Variants in RBFOX1 observed in about 807,000 individuals in gnomAD.
The protein encoded by RBFOX1 is RNA binding fox-1 homolog 1.
A neutral mutation model predicts 57.7 loss-of-function variants in RBFOX1; 8 were observed. The observed-to-expected ratio is 0.14, with a 90% CI of 0.08 to 0.25. The LOEUF (loss-of-function observed/expected upper bound fraction) is 0.25. Among genes scored for constraint, RBFOX1 ranks in the 10% least tolerant of loss-of-function variants. RBFOX1 has a pLI of 1.00. For synonymous variants in RBFOX1, 326 were observed against 222.4 expected (o/e 1.47, Z -4.15); for missense variants, 611 against 548.5 (o/e 1.11, Z -1.14).
intron 1 of RBFOX1, among the ~76,000 whole-genome samples, chr16:5,348,906 T>C (rs1198337795): frequency 2.0e-5 from 3 of 152,246 alleles, no homozygotes; most frequent in Non-Finnish European, 2.9e-5. Flanking sequence ...TCTGAGATCC[T>C]AATTTCGTTT....
intron 1 of RBFOX1, among the ~76,000 whole-genome samples, chr16:6,094,187 C>T (rs999606310): frequency 6.6e-6 from 1 of 152,170 alleles, no homozygotes; most frequent in South Asian, 2.1e-4. Flanking sequence ...GGAGGAGATC[C>T]TCCCAAAATG....
At chr16:7,007,776 T>C (rs897142121) in intron 3 of RBFOX1, among the ~76,000 whole-genome samples, 20 of 152,118 alleles carry the variant, frequency 1.3e-4, no homozygotes, top group Admixed American at 1.3e-3. Flanking sequence ...TTAGAAACTG[T>C]GAGGATGGGG....
chr16:5,315,119 G>C (rs574772950), intron 1 of RBFOX1, among the ~76,000 whole-genome samples: 1 of 152,216 alleles, frequency 6.6e-6, no homozygotes, highest in East Asian at 1.9e-4. Flanking sequence ...GGAACCATTT[G>C]GAAGACGCAT....
At chr16:6,740,987 C>G (rs528745978) in intron 3 of RBFOX1, among the ~76,000 whole-genome samples, 1 of 152,264 alleles carries the variant, frequency 6.6e-6, no homozygotes, top group African/African-American at 2.4e-5. Flanking sequence ...TAACTCCAGT[C>G]ATCATCGCTA....
At chr16:5,469,124 C>G (rs1214009538) in intron 2 of RBFOX1, among the ~76,000 whole-genome samples, 1 of 152,170 alleles carries the variant, frequency 6.6e-6, no homozygotes, top group Non-Finnish European at 1.5e-5. Context: ...TGTCTGTTGC[C>G]TCCTCTTCTG....
intron 3 of RBFOX1, among the ~76,000 whole-genome samples, chr16:6,981,499 G>C (rs933278504): frequency 6.6e-6 from 1 of 152,234 alleles, no homozygotes; most frequent in South Asian, 2.1e-4. Flanking sequence ...GTATTAGTCT[G>C]TTCTCATGCT....
At chr16:7,426,585 A>G (rs1038438427) in intron 4 of RBFOX1, among the ~76,000 whole-genome samples, 2 of 152,218 alleles carry the variant, frequency 1.3e-5, no homozygotes, top group Admixed American at 1.3e-4. Context: ...AGATGCGCCA[A>G]GGGAGAGGAT....
At chr16:7,080,136 A>G (rs1015047596) in intron 4 of RBFOX1, among the ~76,000 whole-genome samples, 6 of 150,214 alleles carry the variant, frequency 4.0e-5, no homozygotes, top group African/African-American at 1.5e-4. Flanking sequence ...AGTATACTTT[A>G]CTATATCAAT....
intron 2 of RBFOX1, chr16:6,483,445 T>A (rs2095407369): frequency 6.5e-7 from 1 of 1,535,666 alleles, no homozygotes; most frequent in African/African-American, 1.4e-5. Context: ...TGCCTCGGAC[T>A]TCTCCCGTGC....
intron 3 of RBFOX1, among the ~76,000 whole-genome samples, chr16:6,823,141 A>T (rs1170409925): frequency 2.0e-5 from 3 of 152,168 alleles, no homozygotes; most frequent in Admixed American, 6.6e-5. Context: ...TATTTGATAG[A>T]AGCCAGGACC....
intron 1 of RBFOX1, among the ~76,000 whole-genome samples, chr16:5,413,380 G>A (rs1253090321): frequency 1.3e-5 from 2 of 152,116 alleles, no homozygotes; most frequent in Admixed American, 1.3e-4. Context: ...AACTCCATCT[G>A]CTTGACCTAG....
chr16:6,974,875 C>G (rs147923283), intron 3 of RBFOX1, among the ~76,000 whole-genome samples: 1 of 152,220 alleles, frequency 6.6e-6, no homozygotes, highest in African/African-American at 2.4e-5. Context: ...GAAGGTGTTT[C>G]TTTCTGCAAA....
chr16:5,977,083 T>C (rs748422943), intron 4 of RBFOX1, among the ~76,000 whole-genome samples: 115 of 152,116 alleles, frequency 7.6e-4, no homozygotes, highest in Non-Finnish European at 8.5e-4. Flanking sequence ...AGCCCAGGAA[T>C]CTGCATGGTG....
chr16:6,467,228 T>G (rs2095070229), intron 2 of RBFOX1, among the ~76,000 whole-genome samples: 1 of 151,398 alleles, frequency 6.6e-6, no homozygotes, highest in South Asian at 2.1e-4. Flanking sequence ...TAATAAAGTT[T>G]TCTTAATATA....
intron 2 of RBFOX1, among the ~76,000 whole-genome samples, chr16:6,328,780 A>G (rs554503954): frequency 1.3e-5 from 2 of 152,164 alleles, no homozygotes; most frequent in Admixed American, 6.5e-5. Flanking sequence ...TAAACCTTTT[A>G]CTATAGAGAA....
intron 2 of RBFOX1, among the ~76,000 whole-genome samples, chr16:6,427,640 A>AT (rs1431743469): frequency 1.3e-5 from 2 of 152,136 alleles, no homozygotes; most frequent in Non-Finnish European, 2.9e-5. Flanking sequence ...AAGGTGGATT[A>AT]TTTTTTGCAA....
chr16:7,174,317 A>C (rs763200487), intron 4 of RBFOX1, among the ~76,000 whole-genome samples: 4 of 152,142 alleles, frequency 2.6e-5, no homozygotes, highest in Non-Finnish European at 5.9e-5. Flanking sequence ...CCATTTACCC[A>C]TTTATTGATG....
chr16:6,319,898 A>G (rs937214708), intron 2 of RBFOX1, among the ~76,000 whole-genome samples: 1 of 152,092 alleles, frequency 6.6e-6, no homozygotes, highest in Non-Finnish European at 1.5e-5. Flanking sequence ...TCATGTTTAT[A>G]ATTAATTAAT....
intron 4 of RBFOX1, among the ~76,000 whole-genome samples, chr16:7,414,683 T>C (rs1348252177): frequency 1.3e-5 from 2 of 152,206 alleles, no homozygotes; most frequent in East Asian, 3.9e-4. Flanking sequence ...GGTGATGCGA[T>C]CTCAGTTCAC....
Sources: allele counts gnomAD v4.1 joint callset (sites outside exome capture counted in the v4.1 genomes callset), GRCh38; gene constraint gnomAD v4.1.1; transcripts MANE v1.5; gene names NCBI Gene and HGNC (gene_info 2026-07-23, HGNC 2026-07-21).